Variants in PARD3 observed in about 807,000 individuals in gnomAD.
PARD3 encodes the protein par-3 family cell polarity regulator.
Under a neutral mutation model 155.4 loss-of-function variants are expected in PARD3, and 75 were observed. That is an observed-to-expected ratio of 0.48 (90% CI 0.40 to 0.58). The LOEUF (loss-of-function observed/expected upper bound fraction) is 0.58. Ranked by LOEUF, PARD3 falls within the 20% of genes least tolerant of loss-of-function variation. PARD3 has a pLI of 0.00. For synonymous variants in PARD3, 576 were observed against 610.5 expected, an observed-to-expected ratio of 0.94 and a Z score of 0.83; for missense variants, 1,642 against 1,721.7, an observed-to-expected ratio of 0.95 and a Z score of 0.82.
rs75415998 is a variant in PARD3 at position 34,475,062 on chromosome 10, C to G, written c.404-4799G>C. 4.8e-4 allele frequency among the ~76,000 whole-genome samples: 73 copies of G among 152,278 alleles called. No individual in the cohort carries two copies. The East Asian group carries it at 0.012, about 24-fold the overall frequency. On this transcript the variant is annotated intron_variant, in intron 3 of 24. Transcript: ENST00000374788. ...AACTAGATTCAGTGATTCCCAAACT[C>G]TGATCTCAGGGCCCTTTCACACTCT...
Position 34,312,010 on chromosome 10 carries a change from GATTCTA to G in PARD3, c.3065+5091_3065+5096del, listed in dbSNP as rs563619588. 8.0e-4 allele frequency among the ~76,000 whole-genome samples: 121 copies of G among 152,126 alleles called. 1 individual carries two copies. Among genetic ancestry groups the G allele is most frequent in the African/African-American group, 2.7e-3 (113 of 41,512 alleles). On this transcript the variant is annotated intron_variant, in intron 20 of 24. Coordinates refer to ENST00000374788, the MANE Select transcript of PARD3 (RefSeq NM_001184785.2). ...CCCTTTACAGAATCTTGAAAACTCT[GATTCTA>G]ATATCCAATGGGTGTGTGCTGATGA...
intron 1 of PARD3, among the ~76,000 whole-genome samples, chr10:34,786,213 G>A (rs1288314646): frequency 6.6e-6 from 1 of 152,198 alleles, no homozygotes; most frequent in Non-Finnish European, 1.5e-5. Context: ...CTCTGTGGAA[G>A]CTCCATCTTG....
chr10:34,143,676 C>T (rs532580576), intron 22 of PARD3, among the ~76,000 whole-genome samples: 245 of 152,198 alleles, frequency 1.6e-3, no homozygotes, highest in African/African-American at 5.6e-3. Context: ...ATTCTACAGA[C>T]TTTCTTGAAA....
chr10:34,783,553 G>C (rs924021524), intron 1 of PARD3, among the ~76,000 whole-genome samples: 1 of 133,526 alleles, frequency 7.5e-6, no homozygotes, highest in East Asian at 2.4e-4. Flanking sequence ...GCAGTGAGTT[G>C]AGATCACGCC....
intron 1 of PARD3, among the ~76,000 whole-genome samples, chr10:34,716,651 G>C (rs938574595): frequency 2.9e-5 from 4 of 138,026 alleles, no homozygotes; most frequent in Non-Finnish European, 6.1e-5. Flanking sequence ...AGAGTGCAAT[G>C]GTGCAATCTT....
chr10:34,551,827 G>A (rs2084598862), intron 2 of PARD3, among the ~76,000 whole-genome samples: 2 of 152,200 alleles, frequency 1.3e-5, no homozygotes, highest in African/African-American at 4.8e-5. Flanking sequence ...ACCACAGGTA[G>A]GAGGAACTGT....
intron 2 of PARD3, among the ~76,000 whole-genome samples, chr10:34,619,576 CCAT>C (rs759642408): frequency 5.9e-5 from 9 of 152,124 alleles, no homozygotes; most frequent in Non-Finnish European, 7.4e-5. Flanking sequence ...ACCACCACCA[CCAT>C]GAGATTGGAA....
intron 1 of PARD3, among the ~76,000 whole-genome samples, chr10:34,703,059 A>AT (rs1231794897): frequency 2.0e-5 from 3 of 152,034 alleles, no homozygotes; most frequent in Non-Finnish European, 4.4e-5. Flanking sequence ...GTGAGAGAGA[A>AT]TTTTTTTAAA....
At chr10:34,209,949 C>G (rs771414566) in intron 22 of PARD3, among the ~76,000 whole-genome samples, 4 of 152,086 alleles carry the variant, frequency 2.6e-5, no homozygotes, top group Non-Finnish European at 5.9e-5. Flanking sequence ...TCCTCAGTTA[C>G]CAAAAATCTT....
chr10:34,183,532 G>A (rs1300096541), intron 22 of PARD3, among the ~76,000 whole-genome samples: 1 of 152,114 alleles, frequency 6.6e-6, no homozygotes, highest in Admixed American at 6.6e-5. Flanking sequence ...TACCTAACAC[G>A]GCCAACATGG....
intron 2 of PARD3, among the ~76,000 whole-genome samples, chr10:34,622,416 C>G (rs1286411838): frequency 6.6e-6 from 1 of 152,164 alleles, no homozygotes; most frequent in African/African-American, 2.4e-5. Flanking sequence ...GTTTCCTTCT[C>G]TGAAATTTCT....
At chr10:34,159,541 G>C (rs188779028) in intron 22 of PARD3, among the ~76,000 whole-genome samples, 2 of 152,314 alleles carry the variant, frequency 1.3e-5, no homozygotes, top group East Asian at 3.9e-4. Context: ...AGGATAATCT[G>C]AATAGCAAAT....
At chr10:34,331,076 T>G in intron 19 of PARD3, 41 bp downstream of exon 19, 2 of 1,505,314 alleles carry the variant, frequency 1.3e-6, no homozygotes, top group Non-Finnish European at 1.8e-6. Flanking sequence ...AGAAATAGAG[T>G]CTAATTTTAA....
chr10:34,738,596 TAA>T (rs1158147129), intron 1 of PARD3, among the ~76,000 whole-genome samples: 2 of 152,160 alleles, frequency 1.3e-5, no homozygotes, highest in Non-Finnish European at 2.9e-5. Flanking sequence ...ATTTAAAAAT[TAA>T]CCAGGCATGG....
chr10:34,363,144 C>T (rs1279034610), intron 12 of PARD3, among the ~76,000 whole-genome samples: 1 of 152,186 alleles, frequency 6.6e-6, no homozygotes, highest in Non-Finnish European at 1.5e-5. Flanking sequence ...TCAGTGTTTA[C>T]TGAGTTTTAC....
intron 20 of PARD3, among the ~76,000 whole-genome samples, chr10:34,295,480 C>A (rs1956864942): frequency 6.6e-6 from 1 of 152,224 alleles, no homozygotes; most frequent in Non-Finnish European, 1.5e-5. Context: ...AGTCCCTAGA[C>A]AGGCTCACTG....
intron 20 of PARD3, among the ~76,000 whole-genome samples, chr10:34,308,640 C>T (rs1423277678): frequency 6.6e-6 from 1 of 152,016 alleles, no homozygotes; most frequent in Non-Finnish European, 1.5e-5. Flanking sequence ...TGTGAAGTTT[C>T]AAGTGTCTGG....
At chr10:34,762,824 C>G (rs1837627616) in intron 1 of PARD3, among the ~76,000 whole-genome samples, 1 of 152,174 alleles carries the variant, frequency 6.6e-6, no homozygotes, top group Non-Finnish European at 1.5e-5. Flanking sequence ...TTCCCACATT[C>G]AGCTACCAGC....
chr10:34,359,175 A>G lies in PARD3; in HGVS notation c.2039T>C (p.Val680Ala). The change falls in exon 14 of 25, where the codon GTT becomes GCT. Residue 680 changes from valine to alanine, a missense_variant. By Grantham distance (64) the Val-to-Ala change is moderately conservative. Around this residue, in one of 3 missense-constraint regions of PARD3, gnomAD observed 1,529 missense variants for 1,587.3 expected, o/e 0.96. Coordinates refer to ENST00000374788, the MANE Select transcript of PARD3 (RefSeq NM_001184785.2). ...ATTGCACTTGCTTATTCTCCTTGCA[A>G]CAATAAGCTGGATCATTCCTCGTTT... ...GNKRGMIQLI[V>A]ARRISKCNEL... The G allele has an allele frequency of 6.2e-7, 1 of 1,613,620 alleles. No individual in the cohort carries two copies. Among genetic ancestry groups the G allele is most frequent in the Non-Finnish European group, 8.5e-7 (1 of 1,179,832 alleles).
Sources: allele counts gnomAD v4.1 joint callset (sites outside exome capture counted in the v4.1 genomes callset), GRCh38; gene constraint gnomAD v4.1.1; regional missense constraint gnomAD v4.1.1; transcripts MANE v1.5; gene names NCBI Gene and HGNC (gene_info 2026-07-23, HGNC 2026-07-21).